The following SPAG17 variants were observed in gnomAD, a reference collection of about 807,000 sequenced individuals.
SPAG17 encodes sperm associated antigen 17, also known as sperm-associated antigen 17.
Under a neutral mutation model 273.6 loss-of-function variants are expected in SPAG17, and 169 were observed. That is an observed-to-expected ratio of 0.62 (90% CI 0.55 to 0.70). The LOEUF (loss-of-function observed/expected upper bound fraction) is 0.70, where lower values mean the gene tolerates loss of function less well. SPAG17 is among the 30% of genes least tolerant of loss of function. The pLI, the probability that SPAG17 is intolerant of heterozygous loss-of-function variation, is 0.00. For missense variants in SPAG17, 2,557 were observed against 2,627.8 expected, an observed-to-expected ratio of 0.97 and a Z score of 0.59; for synonymous variants, 825 against 873.2, an observed-to-expected ratio of 0.94 and a Z score of 0.97.
At chr1:118,018,251 C>T (rs1389417787) in intron 28 of SPAG17, among the ~76,000 whole-genome samples, 5 of 152,166 alleles carry the variant, frequency 3.3e-5, no homozygotes, top group Admixed American at 3.3e-4. Context: ...CACTCTCAGA[C>T]TAAGTGTGGA....
At chr1:118,019,305 A>G (rs1660282240) in intron 28 of SPAG17, among the ~76,000 whole-genome samples, 2 of 152,126 alleles carry the variant, frequency 1.3e-5, no homozygotes, top group South Asian at 4.1e-4. Flanking sequence ...GACAGATTAT[A>G]AAACAAAACA....
chr1:118,069,487 T>C (rs577390256), intron 17 of SPAG17, among the ~76,000 whole-genome samples: 46 of 152,272 alleles, frequency 3.0e-4, no homozygotes, highest in African/African-American at 7.9e-4. Context: ...GCTTTTTGCT[T>C]GAGCACTTGA....
intron 4 of SPAG17, 40 bp downstream of exon 4, chr1:118,115,270 C>A: frequency 6.2e-7 from 1 of 1,606,498 alleles, no homozygotes; most frequent in South Asian, 1.1e-5. Context: ...TTTCATTCAC[C>A]ACTTGCCCTC....
At chr1:118,078,005 T>A (rs190573115) in intron 15 of SPAG17, among the ~76,000 whole-genome samples, 28 of 152,204 alleles carry the variant, frequency 1.8e-4, no homozygotes, top group African/African-American at 6.0e-4. Context: ...ATCTGTAGAA[T>A]TGGGATATTG....
intron 38 of SPAG17, among the ~76,000 whole-genome samples, chr1:117,990,276 G>A (rs1656927257): frequency 6.6e-6 from 1 of 152,192 alleles, no homozygotes; most frequent in Non-Finnish European, 1.5e-5. Flanking sequence ...TGAAGCGCAT[G>A]GCTGCCAGTT....
chr1:118,135,711 G>A (rs139217988), intron 3 of SPAG17, among the ~76,000 whole-genome samples: 48 of 152,250 alleles, frequency 3.2e-4, no homozygotes, highest in African/African-American at 9.6e-4. Flanking sequence ...AAAACCTCAC[G>A]CAAATTTCTG....
intron 41 of SPAG17, 27 bp from the exon 42 acceptor site, chr1:117,983,940 G>A (rs1656119884): frequency 8.1e-7 from 1 of 1,239,838 alleles, no homozygotes. Context: ...ACTTATTTTA[G>A]ACTTATACAT....
rs945158955 is a variant in SPAG17, at chr1:117,991,490, C to T, written c.5400G>A (p.Leu1800=). 6 of 1,611,698 alleles carry T rather than the reference C, an allele frequency of 3.7e-6. No individual in the cohort carries two copies. The highest frequency in any genetic ancestry group is 5.1e-6 in the Non-Finnish European group (6 of 1,178,452). ...TGGAATCTTTAACCATCATTTCCTG[C>T]AGCTCATCTTCTTTCTTTAGAATAT... is the stretch of plus-strand genomic sequence containing the variant. ...INYILKKEDE[L]QEMMVKDSRT... Residue 1800 remains leucine, a synonymous_variant, in exon 37 of 49, where the codon CTG becomes CTA. Coordinates refer to ENST00000336338, the MANE Select transcript of SPAG17 (RefSeq NM_206996.4).
At chr1:118,159,854 G>A (rs1195402945) in intron 1 of SPAG17, among the ~76,000 whole-genome samples, 1 of 152,078 alleles carries the variant, frequency 6.6e-6, no homozygotes, top group Non-Finnish European at 1.5e-5. Flanking sequence ...AAACCACAGA[G>A]CCACTACACA....
chr1:117,954,678 A>G (rs1371259280), intron 48 of SPAG17: 3 of 1,548,344 alleles, frequency 1.9e-6, no homozygotes, highest in Non-Finnish European at 2.7e-6. Flanking sequence ...GGTTACTTAC[A>G]AGGACAAGAA....
At chr1:117,962,111 C>T (rs974204293) in intron 48 of SPAG17, 1 of 151,660 alleles carries the variant, frequency 6.6e-6, no homozygotes, top group Non-Finnish European at 1.5e-5. Context: ...AGCTTTGCCA[C>T]CATTTATAAC....
At chr1:118,032,259 G>C (rs1006627743) in intron 24 of SPAG17, among the ~76,000 whole-genome samples, 2 of 152,052 alleles carry the variant, frequency 1.3e-5, no homozygotes, top group African/African-American at 2.4e-5. Flanking sequence ...AGTCCTTATA[G>C]CATCAAAATA....
intron 28 of SPAG17, among the ~76,000 whole-genome samples, chr1:118,018,221 A>T (rs1013889375): frequency 6.6e-6 from 1 of 152,168 alleles, no homozygotes; most frequent in Non-Finnish European, 1.5e-5. Context: ...AAGGTTTGAT[A>T]TGAGGCCCTC....
At chr1:118,091,470 G>C in intron 10 of SPAG17, 136 bp downstream of exon 10, 1 of 596,870 alleles carries the variant, frequency 1.7e-6, no homozygotes, top group Non-Finnish European at 3.0e-6. Context: ...AGTTTCATCT[G>C]AACTATTCTA....
Position 118,073,900 on chromosome 1 carries a change from A to G in SPAG17, c.2339T>C (p.Met780Thr), listed in dbSNP as rs1304793134. 1.9e-6 allele frequency: 3 copies of G among 1,577,152 alleles called. No homozygotes were observed. The highest frequency in any genetic ancestry group is 1.2e-5 in the South Asian group (1 of 84,438). The stretch of plus-strand genomic sequence containing the variant: ...AAAATGTTCAGTAAAACTCCAGTCC[A>G]TTAGACTGCGCTGCTGTGTTTTCTT... ...DIKKTQQRSL[M>T]DWSFTEHFKP... The change falls in exon 17 of 49, where the codon ATG becomes ACG. Residue 780 changes from methionine to threonine, a missense_variant. Transcript: ENST00000336338.
chr1:118,033,199 C>T (rs1300178613), intron 24 of SPAG17, among the ~76,000 whole-genome samples: 2 of 152,154 alleles, frequency 1.3e-5, no homozygotes, highest in African/African-American at 4.8e-5. Flanking sequence ...CATGACCTTC[C>T]TTCTCAGTTC....
intron 8 of SPAG17, among the ~76,000 whole-genome samples, chr1:118,092,693 C>T (rs965244051): frequency 6.6e-6 from 1 of 152,182 alleles, no homozygotes; most frequent in Admixed American, 6.5e-5. Context: ...GATCAGGTGA[C>T]CAAGTTTATT....
intron 24 of SPAG17, among the ~76,000 whole-genome samples, 174 bp from the exon 25 acceptor site, chr1:118,032,041 G>T (rs1045728342): frequency 3.4e-4 from 51 of 152,144 alleles, no homozygotes; most frequent in African/African-American, 1.2e-3. Context: ...TACAAATCAG[G>T]ATTGTAGTTA....
chr1:118,080,947 A>G (rs1422754094), intron 15 of SPAG17, among the ~76,000 whole-genome samples, 154 bp downstream of exon 15: 1 of 152,192 alleles, frequency 6.6e-6, no homozygotes, highest in Admixed American at 6.6e-5. Context: ...TGAAATAAAG[A>G]GAACTTATGG....
Sources: gnomAD v4.1 joint callset for allele counts (sites outside exome capture counted in the v4.1 genomes callset) on GRCh38, gnomAD v4.1.1 for gene constraint, MANE v1.5 for transcripts, NCBI Gene and HGNC (gene_info 2026-07-23, HGNC 2026-07-21) for gene names.